CAMTA1: variants seen among roughly 807,000 people sequenced by gnomAD.
CAMTA1 encodes calmodulin binding transcription activator 1.
CAMTA1 carries 27 observed loss-of-function variants against 170.9 expected under a neutral mutation model. The observed-to-expected ratio is 0.16, with a 90% CI of 0.12 to 0.22. The LOEUF (loss-of-function observed/expected upper bound fraction) is 0.22. Among genes scored for constraint, CAMTA1 ranks in the 10% least tolerant of loss-of-function variants. The pLI is 1.00. For synonymous variants in CAMTA1, 833 were observed against 891.5 expected, an observed-to-expected ratio of 0.93 and a Z score of 1.17; for missense variants, 1,619 against 2,217.2, an observed-to-expected ratio of 0.73 and a Z score of 5.42.
intron 16 of CAMTA1, among the ~76,000 whole-genome samples, chr1:7,743,123 A>C (rs529657975): frequency 6.6e-6 from 1 of 152,012 alleles, no homozygotes; most frequent in Non-Finnish European, 1.5e-5. Flanking sequence ...AAAAGTGCTG[A>C]GATTACAGGC....
chr1:7,462,943 G>A lies in CAMTA1; in HGVS notation c.439-4887G>A, dbSNP rs150327859. ...TCTCGCTCTGATGAGTGTTCCCAGC[G>A]TCTGCTCCTAGGCCACTGGGTCGGG... On this transcript the variant is annotated intron_variant, in intron 5 of 22. Coordinates refer to ENST00000303635, the MANE Select transcript of CAMTA1 (RefSeq NM_015215.4). Among the ~76,000 whole-genome samples, 35 of 152,348 alleles carry A rather than the reference G, an allele frequency of 2.3e-4. 1 individual carries two copies. Among genetic ancestry groups the A allele is most frequent in the South Asian group, 6.2e-4 (3 of 4,830 alleles).
Position 7,540,312 on chromosome 1 carries a change from G to T in CAMTA1, c.510+72411G>T, listed in dbSNP as rs560838404. 3.8e-3 allele frequency among the ~76,000 whole-genome samples: 586 copies of T among 152,336 alleles called. 3 individuals carry two copies. The highest frequency in any genetic ancestry group is 6.8e-3 in the Middle Eastern group (2 of 294). On this transcript the variant is annotated intron_variant, in intron 6 of 22. Transcript: ENST00000303635. The stretch of plus-strand genomic sequence containing the variant: ...GGACCCAGGCTGGGGCCCAGCATTA[G>T]AACTGGAGTACGGGCAGGGTTTAGT...
chr1:7,161,100 T>C (rs1435734104), intron 4 of CAMTA1, among the ~76,000 whole-genome samples: 2 of 152,200 alleles, frequency 1.3e-5, no homozygotes, highest in African/African-American at 4.8e-5. Flanking sequence ...TCTGTGTATG[T>C]CATTCCAATA....
intron 5 of CAMTA1, among the ~76,000 whole-genome samples, chr1:7,347,865 A>G (rs771599355): frequency 2.0e-5 from 3 of 152,158 alleles, no homozygotes; most frequent in Non-Finnish European, 4.4e-5. Flanking sequence ...GCACGACCCT[A>G]ATGCACTATA....
At chr1:7,164,158 T>C (rs1647871830) in intron 4 of CAMTA1, among the ~76,000 whole-genome samples, 1 of 152,158 alleles carries the variant, frequency 6.6e-6, no homozygotes, top group African/African-American at 2.4e-5. Context: ...TCATTCTGAC[T>C]CTAGTGTAGA....
intron 4 of CAMTA1, among the ~76,000 whole-genome samples, chr1:7,180,291 C>T (rs372162956): frequency 3.3e-5 from 5 of 151,610 alleles, no homozygotes; most frequent in African/African-American, 4.8e-5. Context: ...TGCTTGAACT[C>T]GGGAGGCAGT....
chr1:7,739,206 C>T (rs903847175), intron 16 of CAMTA1, among the ~76,000 whole-genome samples: 13 of 151,858 alleles, frequency 8.6e-5, no homozygotes, highest in Admixed American at 4.6e-4. Context: ...CTAAAACAAA[C>T]GTAAAAGGGA....
intron 6 of CAMTA1, among the ~76,000 whole-genome samples, chr1:7,630,684 C>T (rs999462293): frequency 1.3e-5 from 2 of 152,258 alleles, no homozygotes; most frequent in Non-Finnish European, 2.9e-5. Context: ...TGAGGGCAGC[C>T]ATGGGAAGGT....
In CAMTA1 at chr1:7,007,027, A is replaced by G. The variant is rs1409863512; in HGVS notation, c.235-84277A>G. Among the ~76,000 whole-genome samples the G allele has an allele frequency of 1.3e-5, 2 of 151,776 alleles. No individual in the cohort carries two copies. Among genetic ancestry groups the G allele is most frequent in the African/African-American group, 4.8e-5 (2 of 41,332 alleles). ...AGTAAAAAAAAAAAAAAAAAATAAG[A>G]ATTTTTGGATACGGTATTAATAATG... is the stretch of plus-strand genomic sequence containing the variant. On this transcript the variant is annotated intron_variant, in intron 3 of 22. Coordinates refer to ENST00000303635, the MANE Select transcript of CAMTA1 (RefSeq NM_015215.4). The surrounding 1 kb of genome is among the most constrained non-coding windows in gnomAD (Gnocchi z 4.5).
chr1:6,843,442 C>T (rs575168492), intron 3 of CAMTA1, among the ~76,000 whole-genome samples: 2 of 152,248 alleles, frequency 1.3e-5, no homozygotes, highest in East Asian at 3.9e-4. Context: ...AGGGAAAGAT[C>T]CAGAAAAGTG....
At chr1:7,090,341 C>T (rs2148126264) in intron 3 of CAMTA1, among the ~76,000 whole-genome samples, 1 of 152,324 alleles carries the variant, frequency 6.6e-6, no homozygotes, top group South Asian at 2.1e-4. Flanking sequence ...TTCCCAGGAG[C>T]CCTCTAGGAA....
rs78732930 is a variant in CAMTA1, at chr1:7,054,968, C to G, written c.235-36336C>G. On this transcript the variant is annotated intron_variant, in intron 3 of 22. Transcript: ENST00000303635. Reference sequence around the variant, plus strand: ...ATGAAGGGGAAGTAGGCTGGTCTTCCGTGGCTGGGGCAGGAGCAAGAGAGA... The same window carrying G: ...ATGAAGGGGAAGTAGGCTGGTCTTCGGTGGCTGGGGCAGGAGCAAGAGAGA... 3.9e-5 allele frequency among the ~76,000 whole-genome samples: 6 copies of G among 152,172 alleles called. No individual in the cohort carries two copies. The East Asian group carries it at 1.2e-3, about 29-fold the overall frequency.
intron 5 of CAMTA1, among the ~76,000 whole-genome samples, chr1:7,383,323 C>G (rs2087562925): frequency 6.6e-6 from 1 of 151,962 alleles, no homozygotes; most frequent in African/African-American, 2.4e-5. Context: ...TTTCTCTGTG[C>G]ACTTACTCAG....
intron 11 of CAMTA1, among the ~76,000 whole-genome samples, chr1:7,723,127 C>G (rs779682913): frequency 2.6e-5 from 4 of 152,058 alleles, no homozygotes; most frequent in Non-Finnish European, 4.4e-5. Flanking sequence ...ATGTTCATTT[C>G]TAAATACCGT....
At chr1:7,416,410 A>T (rs182514266) in intron 5 of CAMTA1, among the ~76,000 whole-genome samples, 16 of 152,268 alleles carry the variant, frequency 1.1e-4, no homozygotes, top group African/African-American at 3.6e-4. Flanking sequence ...TCAGACGTAG[A>T]TTTGGTCTTT....
Position 7,482,180 on chromosome 1 carries a change from C to T in CAMTA1, c.510+14279C>T, listed in dbSNP as rs1162733656. 6.6e-6 allele frequency among the ~76,000 whole-genome samples: 1 copy of T among 152,122 alleles called. No individual in the cohort carries two copies. The highest frequency in any genetic ancestry group is 2.4e-5 in the African/African-American group (1 of 41,394). Reference sequence around the variant, plus strand: ...CTGTGTTATTTATGCCTTGTCTATCCCCCCAAGCCCAGCCCCATCCTTCAA... The same window carrying T: ...CTGTGTTATTTATGCCTTGTCTATCTCCCCAAGCCCAGCCCCATCCTTCAA... On this transcript the variant is annotated intron_variant, in intron 6 of 22. Coordinates refer to ENST00000303635, the MANE Select transcript of CAMTA1 (RefSeq NM_015215.4). The surrounding 1 kb of genome is among the most constrained non-coding windows in gnomAD (Gnocchi z 4.2).
Position 7,664,142 on chromosome 1 carries a change from T to A in CAMTA1, c.1595T>A (p.Ile532Asn). 6.2e-7 allele frequency: 1 copy of A among 1,613,138 alleles called. No individual in the cohort carries two copies. The highest frequency in any genetic ancestry group is 8.5e-7 in the Non-Finnish European group (1 of 1,180,022). The stretch of plus-strand genomic sequence containing the variant: ...TTTACCACCGTCCTCACCAAGGAGA[T>A]CAAGACCGAGGACACCTCCTTCGAG... ...FSFTTVLTKE[I>N]KTEDTSFEQQ... The change falls in exon 9 of 23, where the codon ATC becomes AAC. Residue 532 changes from isoleucine (I) to asparagine (N), a missense_variant. Coordinates refer to ENST00000303635, the MANE Select transcript of CAMTA1 (RefSeq NM_015215.4).
chr1:7,027,870 C>T (rs1702226117), intron 3 of CAMTA1, among the ~76,000 whole-genome samples: 1 of 151,918 alleles, frequency 6.6e-6, no homozygotes, highest in Non-Finnish European at 1.5e-5. Context: ...TGTTCTTTTA[C>T]TGCCAACCAG....
intron 5 of CAMTA1, among the ~76,000 whole-genome samples, chr1:7,335,124 T>TTTTGTGTGTGTGTGTGTGTGTG (rs1557537117): frequency 6.3e-4 from 12 of 19,194 alleles, no homozygotes; most frequent in Non-Finnish European, 9.9e-4. Flanking sequence ...AGCACAGCTT[T>TTTTGTGTGTGTGTGTGTGTGTG]TGTGTGTGTG....
Sources: allele counts gnomAD v4.1 joint callset (sites outside exome capture counted in the v4.1 genomes callset), GRCh38; gene constraint gnomAD v4.1.1; non-coding constraint Gnocchi (gnomAD v3.1); transcripts MANE v1.5; gene names NCBI Gene and HGNC (gene_info 2026-07-23, HGNC 2026-07-21).